Variants in MMP26 observed in about 807,000 individuals in gnomAD.
MMP26 encodes matrix metallopeptidase 26.
A neutral mutation model predicts 31.0 loss-of-function variants in MMP26; 33 were observed. That is an observed-to-expected ratio of 1.06 (90% CI 0.81 to 1.42). MMP26 has a LOEUF of 1.42. Ranked by LOEUF, MMP26 falls within the 40% of genes most tolerant of loss-of-function variation. The pLI is 0.00. For synonymous variants in MMP26, 122 were observed against 114.9 expected (o/e 1.06, Z -0.40); for missense variants, 347 against 316.1 (o/e 1.10, Z -0.74).
At chr11:4,959,139 G>A (rs1166434193) in intron 2 of MMP26, among the ~76,000 whole-genome samples, 26 of 151,168 alleles carry the variant, frequency 1.7e-4, no homozygotes, top group Non-Finnish European at 1.5e-5. Context: ...TCGGGAGGCT[G>A]AGGCAGGAGA....
At chr11:4,920,288 A>G (rs1282317713) in intron 2 of MMP26, among the ~76,000 whole-genome samples, 1 of 152,186 alleles carries the variant, frequency 6.6e-6, no homozygotes, top group Non-Finnish European at 1.5e-5. Flanking sequence ...GTAAGTACCT[A>G]GTAGAACCAA....
At chr11:4,928,169 G>A (rs1851299708) in intron 2 of MMP26, among the ~76,000 whole-genome samples, 1 of 152,004 alleles carries the variant, frequency 6.6e-6, no homozygotes, top group Non-Finnish European at 1.5e-5. Flanking sequence ...TTTAAAAAAG[G>A]AATTTTTCCT....
chr11:4,831,793 G>A (rs903184522), intron 2 of MMP26, among the ~76,000 whole-genome samples: 2 of 152,046 alleles, frequency 1.3e-5, no homozygotes, highest in African/African-American at 4.8e-5. Flanking sequence ...TAGTTTAATT[G>A]AATCAAAAAT....
chr11:4,707,929 T>A (rs1346547069), intron 1 of MMP26, among the ~76,000 whole-genome samples: 1 of 152,194 alleles, frequency 6.6e-6, no homozygotes, highest in Non-Finnish European at 1.5e-5. Context: ...TCTCCTCAGT[T>A]TCATTAGAGG....
At chr11:4,924,246 G>C in intron 2 of MMP26, 1 of 1,614,170 alleles carries the variant, frequency 6.2e-7, no homozygotes, top group Non-Finnish European at 8.5e-7. Context: ...AAGCAGAAGG[G>C]AATAGAGATC....
chr11:4,736,343 G>A (rs970424472), intron 1 of MMP26: 2 of 152,186 alleles, frequency 1.3e-5, no homozygotes, highest in Non-Finnish European at 2.9e-5. Context: ...TGAGAGGGAT[G>A]TAGAAAATGG....
At chr11:4,758,389 A>G (rs955311393) in intron 1 of MMP26, among the ~76,000 whole-genome samples, 13 of 151,524 alleles carry the variant, frequency 8.6e-5, no homozygotes, top group African/African-American at 1.5e-4. Context: ...TTACGTATAA[A>G]GGTAGACTTT....
chr11:4,956,310 C>A (rs1390233650), intron 2 of MMP26, among the ~76,000 whole-genome samples: 1 of 152,160 alleles, frequency 6.6e-6, no homozygotes. Flanking sequence ...CAGTGGCTCT[C>A]GGGTCACAGA....
chr11:4,902,560 A>G (rs1285283139), intron 2 of MMP26, among the ~76,000 whole-genome samples: 1 of 152,018 alleles, frequency 6.6e-6, no homozygotes, highest in Admixed American at 6.5e-5. Flanking sequence ...CTATTGTTTG[A>G]CACACTTTTT....
chr11:4,958,168 C>T (rs527811397), intron 2 of MMP26, among the ~76,000 whole-genome samples: 9 of 152,172 alleles, frequency 5.9e-5, no homozygotes, highest in Non-Finnish European at 8.8e-5. Flanking sequence ...CAAGTCACAG[C>T]AGCTGGCACC....
At chr11:4,849,258 G>T in intron 2 of MMP26, 5 of 1,547,478 alleles carry the variant, frequency 3.2e-6, no homozygotes, top group East Asian at 2.3e-5. Flanking sequence ...GATTAGAAAG[G>T]TTTACTTAAT....
At chr11:4,746,536 T>C (rs1315845915) in intron 1 of MMP26, among the ~76,000 whole-genome samples, 1 of 152,102 alleles carries the variant, frequency 6.6e-6, no homozygotes, top group Admixed American at 6.5e-5. Flanking sequence ...TTGTTAAAGA[T>C]GAATAAGAAT....
At chr11:4,827,964 G>GTAGA (rs1849600641) in intron 2 of MMP26, among the ~76,000 whole-genome samples, 1 of 152,028 alleles carries the variant, frequency 6.6e-6, no homozygotes, top group African/African-American at 2.4e-5. Flanking sequence ...TCAAAATGAT[G>GTAGA]TAGATACATG....
At chr11:4,818,387 G>T (rs1849449338) in intron 2 of MMP26, among the ~76,000 whole-genome samples, 1 of 151,442 alleles carries the variant, frequency 6.6e-6, no homozygotes, top group Admixed American at 6.6e-5. Flanking sequence ...TATCATAATT[G>T]TGCTTACTAG....
At chr11:4,794,305 C>T (rs1849075015) in intron 2 of MMP26, 1 of 152,126 alleles carries the variant, frequency 6.6e-6, no homozygotes, top group Admixed American at 6.5e-5. Flanking sequence ...AGAATAGACT[C>T]AGAGACAAGG....
chr11:4,769,035 T>A, intron 2 of MMP26: 1 of 1,529,566 alleles, frequency 6.5e-7, no homozygotes, highest in Non-Finnish European at 8.8e-7. Context: ...GTTTTTACAC[T>A]GTCGATGATG....
At chr11:4,717,302 G>A (rs145502906) in intron 1 of MMP26, among the ~76,000 whole-genome samples, 198 of 152,198 alleles carry the variant, frequency 1.3e-3, no homozygotes, top group African/African-American at 4.6e-3. Context: ...TCTGGATTGC[G>A]GCTTGCACTC....
chr11:4,933,358 C>T (rs1242658957), intron 2 of MMP26, among the ~76,000 whole-genome samples: 1 of 152,036 alleles, frequency 6.6e-6, no homozygotes, highest in Non-Finnish European at 1.5e-5. Context: ...TCCTGGGATT[C>T]ATATTCTAAC....
chr11:4,751,374 G>T (rs989460677), intron 1 of MMP26, among the ~76,000 whole-genome samples: 1 of 152,058 alleles, frequency 6.6e-6, no homozygotes, highest in Admixed American at 6.6e-5. Flanking sequence ...AAAATTATGA[G>T]GAGAGAACAA....
Sources: gnomAD v4.1 joint callset for allele counts (sites outside exome capture counted in the v4.1 genomes callset) on GRCh38, gnomAD v4.1.1 for gene constraint, MANE v1.5 for transcripts, NCBI Gene and HGNC (gene_info 2026-07-23, HGNC 2026-07-21) for gene names.